RASAL2: variants seen among roughly 807,000 people sequenced by gnomAD.
RASAL2 encodes the protein RAS protein activator like 2.
In RASAL2, 58 loss-of-function variants were observed where a neutral mutation model predicts 128.9. The ratio of observed to expected loss-of-function variants is 0.45; its 90% CI spans 0.36 to 0.56. The LOEUF is 0.56. Among genes scored for constraint, RASAL2 ranks in the 20% least tolerant of loss-of-function variants. RASAL2 has a pLI of 0.00. For missense variants in RASAL2, 1,360 were observed against 1,601.6 expected, an observed-to-expected ratio of 0.85 and a Z score of 2.57; for synonymous variants, 561 against 580.8, an observed-to-expected ratio of 0.97 and a Z score of 0.49.
intron 3 of RASAL2, among the ~76,000 whole-genome samples, chr1:178,351,165 C>T (rs946253029): frequency 6.6e-6 from 1 of 152,196 alleles, no homozygotes; most frequent in Non-Finnish European, 1.5e-5. Flanking sequence ...ATGATCCAGT[C>T]ACCTCCCACC....
intron 3 of RASAL2, among the ~76,000 whole-genome samples, chr1:178,366,366 C>G (rs150646665): frequency 5.1e-4 from 77 of 152,254 alleles, no homozygotes; most frequent in African/African-American, 1.4e-3. Flanking sequence ...AGGAAAAGAT[C>G]ATGTATTACT....
At chr1:178,179,050 C>A (rs1311151025) in intron 1 of RASAL2, among the ~76,000 whole-genome samples, 1 of 152,148 alleles carries the variant, frequency 6.6e-6, no homozygotes, top group Non-Finnish European at 1.5e-5. Context: ...GAAGTCCTTA[C>A]AACATATTTG....
intron 1 of RASAL2, among the ~76,000 whole-genome samples, chr1:178,159,643 T>C (rs1661203464): frequency 6.6e-6 from 1 of 152,170 alleles, no homozygotes; most frequent in Non-Finnish European, 1.5e-5. Context: ...AAAATGCTAC[T>C]GTGGGCCGGG....
intron 3 of RASAL2, among the ~76,000 whole-genome samples, chr1:178,322,072 A>G (rs1313140800): frequency 2.0e-5 from 3 of 151,740 alleles, no homozygotes; most frequent in Admixed American, 6.6e-5. Flanking sequence ...ACCTCAAGTG[A>G]TACTCCCACC....
At chr1:178,183,630 C>G (rs975422579) in intron 1 of RASAL2, among the ~76,000 whole-genome samples, 1 of 152,124 alleles carries the variant, frequency 6.6e-6, no homozygotes, top group South Asian at 2.1e-4. Context: ...TAGTAATATG[C>G]CTTTAGGATT....
chr1:178,349,157 A>G (rs1369656332), intron 3 of RASAL2, among the ~76,000 whole-genome samples: 1 of 150,374 alleles, frequency 6.7e-6, no homozygotes, highest in Admixed American at 6.6e-5. Flanking sequence ...GCCGTGGCTC[A>G]CGCCTGTAAT....
chr1:178,261,032 G>T (rs2102132595), intron 1 of RASAL2, among the ~76,000 whole-genome samples: 1 of 152,332 alleles, frequency 6.6e-6, no homozygotes. Context: ...AGAAGAGCCA[G>T]AAGGTGTGGA....
intron 1 of RASAL2, among the ~76,000 whole-genome samples, chr1:178,207,550 G>C (rs1328665023): frequency 2.0e-5 from 3 of 152,168 alleles, no homozygotes; most frequent in East Asian, 3.9e-4. Flanking sequence ...AGGGAATCCT[G>C]GAACCGATTC....
chr1:178,354,488 C>T (rs1670693983), intron 3 of RASAL2, among the ~76,000 whole-genome samples: 1 of 152,036 alleles, frequency 6.6e-6, no homozygotes, highest in Non-Finnish European at 1.5e-5. Context: ...AGGTCTCAAT[C>T]AATACAGTAA....
At chr1:178,298,786 G>A (rs1361269177) in intron 2 of RASAL2, among the ~76,000 whole-genome samples, 1 of 152,016 alleles carries the variant, frequency 6.6e-6, no homozygotes, top group Non-Finnish European at 1.5e-5. Flanking sequence ...CAGTATTGGA[G>A]CCATAATAAA....
intron 1 of RASAL2, among the ~76,000 whole-genome samples, chr1:178,244,544 T>G (rs1004982367): frequency 2.6e-5 from 4 of 152,252 alleles, no homozygotes; most frequent in East Asian, 1.9e-4. Context: ...CCCAGCCTAT[T>G]TCTTCTTTAA....
At chr1:178,162,751 C>T (rs1661374892) in intron 1 of RASAL2, among the ~76,000 whole-genome samples, 1 of 150,500 alleles carries the variant, frequency 6.6e-6, no homozygotes, top group Non-Finnish European at 1.5e-5. Context: ...CCATGCTCGT[C>T]TAATTTCTGT....
At chr1:178,234,167 C>T (rs994055205) in intron 1 of RASAL2, among the ~76,000 whole-genome samples, 1 of 152,128 alleles carries the variant, frequency 6.6e-6, no homozygotes, top group Non-Finnish European at 1.5e-5. Context: ...ATTTTTAATG[C>T]TCATTTGTCT....
At chr1:178,334,772 A>G (rs952616521) in intron 3 of RASAL2, among the ~76,000 whole-genome samples, 8 of 152,208 alleles carry the variant, frequency 5.3e-5, no homozygotes, top group Admixed American at 3.9e-4. Flanking sequence ...ATCCTGGCCA[A>G]CATGGTGAAA....
intron 1 of RASAL2, among the ~76,000 whole-genome samples, chr1:178,236,428 A>G (rs1009890178): frequency 2.0e-5 from 3 of 152,162 alleles, no homozygotes; most frequent in Non-Finnish European, 4.4e-5. Context: ...ACTAGCCACT[A>G]AAAACCTGTA....
rs764042838 is a variant in RASAL2, at chr1:178,466,078, A to C, written c.3546A>C (p.Arg1182Ser). ...AGGACAGCGAGGAGCGGCTCCGAAG[A>C]CAGCAGGAAGAAAAAGATAGCCAGA... Reference protein sequence around the residue: ...RLEDSEERLRRQQEEKDSQMK... With the variant: ...RLEDSEERLRSQQEEKDSQMK... Residue 1182 changes from arginine to serine, a missense_variant, in exon 16 of 18, where the codon AGA becomes AGC. Coordinates refer to ENST00000367649, the MANE Select transcript of RASAL2 (RefSeq NM_170692.4). 2.5e-6 allele frequency: 4 copies of C among 1,578,804 alleles called. No individual in the cohort carries two copies. Among genetic ancestry groups the C allele is most frequent in the Admixed American group, 1.8e-5 (1 of 55,688 alleles).
chr1:178,371,322 C>CCCCACACACA (rs796822835), intron 3 of RASAL2, among the ~76,000 whole-genome samples: 3 of 124,372 alleles, frequency 2.4e-5, no homozygotes, highest in African/African-American at 8.4e-5. Context: ...GCCTTCTTTC[C>CCCCACACACA]CACACACACA....
chr1:178,240,001 C>G (rs1230424846), intron 1 of RASAL2, among the ~76,000 whole-genome samples: 3 of 151,834 alleles, frequency 2.0e-5, no homozygotes. Context: ...ATCCCTTAGC[C>G]TATAATAAAA....
intron 3 of RASAL2, among the ~76,000 whole-genome samples, chr1:178,383,572 C>A (rs1571970815): frequency 6.6e-6 from 1 of 152,114 alleles, no homozygotes; most frequent in African/African-American, 2.4e-5. Flanking sequence ...AAATATGAAA[C>A]CTTATTTTCA....
Sources: allele counts gnomAD v4.1 joint callset (sites outside exome capture counted in the v4.1 genomes callset), GRCh38; gene constraint gnomAD v4.1.1; transcripts MANE v1.5; gene names NCBI Gene and HGNC (gene_info 2026-07-23, HGNC 2026-07-21).